PTPRR: variants seen among roughly 807,000 people sequenced by gnomAD.
PTPRR encodes the protein protein tyrosine phosphatase receptor type R.
In PTPRR, 38 loss-of-function variants were observed where a neutral mutation model predicts 77.2. The ratio of observed to expected loss-of-function variants is 0.49; its 90% confidence interval spans 0.38 to 0.65. The LOEUF (loss-of-function observed/expected upper bound fraction) is 0.65, where lower values mean the gene tolerates loss of function less well. PTPRR is among the 30% of genes least tolerant of loss of function. The pLI is 0.00. For synonymous variants in PTPRR, 299 were observed against 283.1 expected, an observed-to-expected ratio of 1.06 and a Z score of -0.57; for missense variants, 744 against 799.2, an observed-to-expected ratio of 0.93 and a Z score of 0.83.
chr12:70,767,044 C>T (rs1212270011), intron 2 of PTPRR, among the ~76,000 whole-genome samples: 4 of 152,106 alleles, frequency 2.6e-5, no homozygotes, highest in Non-Finnish European at 5.9e-5. Flanking sequence ...CAACCGGTAC[C>T]AGCCACTGCA....
chr12:70,671,919 T>G (rs1039122922), intron 10 of PTPRR: 1 of 903,282 alleles, frequency 1.1e-6, no homozygotes, highest in Non-Finnish European at 1.8e-6. Context: ...CAGGCTCTGA[T>G]GCTGGTCTCT....
chr12:70,639,645 G>A lies in PTPRR; in HGVS notation c.1881-368C>T, dbSNP rs2197127. ...TGTATGCATCTTGGACAAATTCCTCGAAACCCCTTGCACTTTAGTTTCTTC... is the reference window on the plus strand; with the variant it reads ...TGTATGCATCTTGGACAAATTCCTCAAAACCCCTTGCACTTTAGTTTCTTC... On this transcript the variant is annotated intron_variant, in intron 13 of 13. Coordinates refer to ENST00000283228, the MANE Select transcript of PTPRR (RefSeq NM_002849.4). 5.7e-3 allele frequency: 1,715 copies of A among 301,468 alleles called. 7 individuals carry two copies. The highest frequency in any genetic ancestry group is 9.6e-3 in the Middle Eastern group (6 of 622). 18.7% of individuals were successfully genotyped at this position (301,468 alleles called of 1,614,324 possible).
intron 1 of PTPRR, among the ~76,000 whole-genome samples, chr12:70,909,546 A>G (rs1275867819): frequency 6.6e-6 from 1 of 152,222 alleles, no homozygotes; most frequent in Non-Finnish European, 1.5e-5. Context: ...GAATTTCTCC[A>G]TCAGGGTAGA....
At chr12:70,847,370 ATCC>A (rs932133684) in intron 2 of PTPRR, among the ~76,000 whole-genome samples, 61 of 152,358 alleles carry the variant, frequency 4.0e-4, no homozygotes, top group African/African-American at 1.4e-3. Flanking sequence ...GGTCCAACAT[ATCC>A]TCTCTAAAAG....
intron 2 of PTPRR, among the ~76,000 whole-genome samples, chr12:70,839,214 A>C (rs1351581567): frequency 2.0e-5 from 3 of 152,156 alleles, no homozygotes; most frequent in Non-Finnish European, 4.4e-5. Flanking sequence ...GAACTATCCC[A>C]CCTACCTGGT....
intron 6 of PTPRR, among the ~76,000 whole-genome samples, chr12:70,712,846 A>G (rs1286469046): frequency 6.6e-6 from 1 of 152,086 alleles, no homozygotes; most frequent in East Asian, 1.9e-4. Context: ...TTTATGATAG[A>G]AAACTAAAGT....
At chr12:70,727,846 C>T (rs755112379) in intron 6 of PTPRR, among the ~76,000 whole-genome samples, 10 of 152,146 alleles carry the variant, frequency 6.6e-5, no homozygotes, top group African/African-American at 9.7e-5. Flanking sequence ...ATGTTTAGCC[C>T]GAGCAGACTG....
chr12:70,798,742 C>T (rs541561054), intron 2 of PTPRR, among the ~76,000 whole-genome samples: 16 of 149,676 alleles, frequency 1.1e-4, no homozygotes, highest in African/African-American at 4.0e-4. Context: ...TCTAAAGAAG[C>T]ACCCCACCCC....
At chr12:70,810,379 AC>A (rs57322948) in intron 2 of PTPRR, among the ~76,000 whole-genome samples, 23,329 of 152,160 alleles carry the variant, frequency 0.15, 2,498 homozygotes, top group African/African-American at 0.3. Flanking sequence ...TATTAAAAAC[AC>A]TTATTCTTTA....
At chr12:70,903,332 T>G (rs2137129026) in intron 1 of PTPRR, among the ~76,000 whole-genome samples, 1 of 151,932 alleles carries the variant, frequency 6.6e-6, no homozygotes, top group Admixed American at 6.6e-5. Flanking sequence ...ACCCTGTATA[T>G]CTATATAAAA....
At chr12:70,824,025 C>T (rs1351436051) in intron 2 of PTPRR, among the ~76,000 whole-genome samples, 1 of 152,158 alleles carries the variant, frequency 6.6e-6, no homozygotes, top group Non-Finnish European at 1.5e-5. Context: ...AAAGAAACCC[C>T]TCCTTCCTCA....
At chr12:70,672,840 C>T (rs763339050) in intron 10 of PTPRR, 2 of 1,560,802 alleles carry the variant, frequency 1.3e-6, no homozygotes, top group Non-Finnish European at 8.7e-7. Context: ...AACTAGGTGT[C>T]ATCATCAGCA....
intron 4 of PTPRR, among the ~76,000 whole-genome samples, chr12:70,755,669 G>T (rs1890544936): frequency 6.6e-6 from 1 of 152,072 alleles, no homozygotes; most frequent in Non-Finnish European, 1.5e-5. Flanking sequence ...TACTTTCTAA[G>T]ACATAGATAG....
chr12:70,777,793 T>G (rs187349751), intron 2 of PTPRR, among the ~76,000 whole-genome samples: 46 of 152,344 alleles, frequency 3.0e-4, no homozygotes, highest in Non-Finnish European at 1.2e-4. Flanking sequence ...CCCAGATCAC[T>G]GCGTGGAGAA....
At chr12:70,846,911 T>G (rs937060244) in intron 2 of PTPRR, among the ~76,000 whole-genome samples, 1 of 152,130 alleles carries the variant, frequency 6.6e-6, no homozygotes, top group Non-Finnish European at 1.5e-5. Context: ...CTTGTCTCAG[T>G]GCAATATTTA....
intron 1 of PTPRR, among the ~76,000 whole-genome samples, chr12:70,909,505 A>G (rs1440621371): frequency 6.6e-6 from 1 of 152,218 alleles, no homozygotes; most frequent in Admixed American, 6.5e-5. Flanking sequence ...ACTTTACAAA[A>G]AAAAGGTACA....
chr12:70,703,109 A>AT (rs1444174934), intron 6 of PTPRR, among the ~76,000 whole-genome samples: 4 of 146,188 alleles, frequency 2.7e-5, no homozygotes, highest in African/African-American at 7.6e-5. Context: ...TATGCTTGTT[A>AT]TTTTTCCTTC....
chr12:70,660,877 C>G, intron 12 of PTPRR, 63 bp downstream of exon 12: 1 of 1,483,232 alleles, frequency 6.7e-7, no homozygotes, highest in Non-Finnish European at 9.0e-7. Flanking sequence ...CCACTTGCAC[C>G]TGCTCTGTGA....
At chr12:70,768,961 C>T (rs552182341) in intron 2 of PTPRR, among the ~76,000 whole-genome samples, 4 of 150,922 alleles carry the variant, frequency 2.7e-5, no homozygotes, top group African/African-American at 9.9e-5. Context: ...ATTCAACAAC[C>T]CTTCATGCTA....
Sources: gnomAD v4.1 joint callset for allele counts (sites outside exome capture counted in the v4.1 genomes callset) on GRCh38, gnomAD v4.1.1 for gene constraint, MANE v1.5 for transcripts, NCBI Gene and HGNC (gene_info 2026-07-23, HGNC 2026-07-21) for gene names.